Variants in MMP20 observed in about 807,000 individuals in gnomAD.
MMP20 encodes matrix metalloproteinase-20.
MMP20 carries 50 observed loss-of-function variants against 51.8 expected under a neutral mutation model. The observed-to-expected ratio is 0.97, with a 90% CI of 0.77 to 1.22. MMP20 has a LOEUF of 1.22. MMP20 is among the 50% of genes most tolerant of loss of function. The pLI is 0.00. For missense variants in MMP20, 663 were observed against 601.4 expected (o/e 1.10, Z -1.07); for synonymous variants, 244 against 216.2 (o/e 1.13, Z -1.13).
intron 2 of MMP20, among the ~76,000 whole-genome samples, chr11:102,613,102 A>G (rs1043285594): frequency 2.6e-5 from 4 of 152,206 alleles, no homozygotes; most frequent in Non-Finnish European, 5.9e-5. Flanking sequence ...GAATTGAAAA[A>G]AGGGTGAGCC....
intron 2 of MMP20, among the ~76,000 whole-genome samples, chr11:102,612,402 T>C (rs1859613612): frequency 6.6e-6 from 1 of 152,112 alleles, no homozygotes; most frequent in African/African-American, 2.4e-5. Flanking sequence ...GAAGTGGAGG[T>C]TGCAGTGAGC....
chr11:102,600,679 G>A (rs1325858689), intron 6 of MMP20, among the ~76,000 whole-genome samples: 1 of 151,988 alleles, frequency 6.6e-6, no homozygotes, highest in East Asian at 1.9e-4. Context: ...TAGAGACAGG[G>A]TTTCACCATG....
intron 8 of MMP20, among the ~76,000 whole-genome samples, chr11:102,588,068 T>C (rs990317664): frequency 1.3e-5 from 2 of 152,146 alleles, no homozygotes; most frequent in Admixed American, 1.3e-4. Flanking sequence ...AATTTTCTAA[T>C]GTAACATTTT....
chr11:102,597,295 G>C (rs1321645288), intron 6 of MMP20, among the ~76,000 whole-genome samples: 1 of 152,228 alleles, frequency 6.6e-6, no homozygotes, highest in African/African-American at 2.4e-5. Flanking sequence ...TTTTGGGACA[G>C]TGATATCTTG....
intron 6 of MMP20, 69 bp from the exon 7 acceptor site, chr11:102,594,826 A>G: frequency 6.4e-7 from 1 of 1,567,206 alleles, no homozygotes; most frequent in South Asian, 1.1e-5. Context: ...ATAAAATTGC[A>G]CTTTGACTGA....
chr11:102,624,601 T>A (rs1233525195), intron 1 of MMP20, among the ~76,000 whole-genome samples: 1 of 152,182 alleles, frequency 6.6e-6, no homozygotes, highest in Non-Finnish European at 1.5e-5. Context: ...ACTTACTACA[T>A]AAACTTTGTT....
chr11:102,613,352 G>A (rs1247478721), intron 2 of MMP20, among the ~76,000 whole-genome samples: 3 of 152,180 alleles, frequency 2.0e-5, no homozygotes, highest in African/African-American at 2.4e-5. Context: ...AACCCCATGA[G>A]CAGGGACCGG....
In MMP20 at chr11:102,593,447, T is replaced by C. The variant is rs768663486; in HGVS notation, c.1239A>G (p.Glu413=). Residue 413 remains glutamate, a synonymous_variant, in exon 8 of 10, where the codon GAA becomes GAG. Transcript: ENST00000260228. Reference sequence around the variant, plus strand: ...AAGGAAAAAAGCCATACCTGTAGTATTCATCTCCCACAAAGAAAAGGGTCT... The same window carrying C: ...AAGGAAAAAAGCCATACCTGTAGTACTCATCTCCCACAAAGAAAAGGGTCT... ...PQKTLFFVGD[E]YYSYDERKRK... 3 of 1,614,078 alleles carry C rather than the reference T, an allele frequency of 1.9e-6. No homozygotes were observed. The highest frequency in any genetic ancestry group is 2.2e-5 in the South Asian group (2 of 91,082).
At position 102,606,534 on chromosome 11, in the gene MMP20, C is replaced by A; in HGVS notation, c.953+1G>T. The A allele has an allele frequency of 6.2e-7, 1 of 1,613,838 alleles. No individual in the cohort carries two copies. The highest frequency in any genetic ancestry group is 8.5e-7 in the Non-Finnish European group (1 of 1,179,824). ...GAGTCGGTGGCGTGTCTGAGGCTTA[C>A]CGGTCCTTGAAGAGCAGGAGCTCCT... On this transcript the variant is annotated splice_donor_variant, in intron 6 of 9. Coordinates refer to ENST00000260228, the MANE Select transcript of MMP20 (RefSeq NM_004771.4). LOFTEE classifies it high-confidence loss of function.
chr11:102,598,234 G>C (rs1257140457), intron 6 of MMP20, among the ~76,000 whole-genome samples: 2 of 152,074 alleles, frequency 1.3e-5, no homozygotes, highest in African/African-American at 4.8e-5. Flanking sequence ...AACAATGATA[G>C]CAAGTAACTT....
At chr11:102,614,814 A>C (rs201286953) in intron 2 of MMP20, among the ~76,000 whole-genome samples, 5 of 140,958 alleles carry the variant, frequency 3.5e-5, no homozygotes, top group African/African-American at 1.0e-4. Flanking sequence ...AAAAAAAAAA[A>C]CCCACTTGAT....
chr11:102,577,240 C>G lies in MMP20; in HGVS notation c.*86G>C. On this transcript the variant is annotated 3_prime_UTR_variant, in exon 10 of 10. Transcript: ENST00000260228. ...TTTGAAGGCCTTTGGAAGAATCCCT[C>G]TCCTACATTCTGCTTTAGTCCTTAA... 3 of 875,822 alleles carry G rather than the reference C, an allele frequency of 3.4e-6. No homozygotes were observed. Among genetic ancestry groups the G allele is most frequent in the Non-Finnish European group, 5.8e-6 (3 of 513,218 alleles). 54.3% of individuals were successfully genotyped at this position (875,822 alleles called of 1,614,324 possible). A position where few individuals can be genotyped will look rare whatever the true frequency, so the allele number is the denominator to read the frequency against.
intron 8 of MMP20, among the ~76,000 whole-genome samples, 196 bp downstream of exon 8, chr11:102,593,243 T>A (rs1394559164): frequency 6.6e-6 from 1 of 152,190 alleles, no homozygotes; most frequent in Non-Finnish European, 1.5e-5. Flanking sequence ...GATTATTGAA[T>A]GAAGGTTTCA....
At position 102,617,206 on chromosome 11, in the gene MMP20, A is replaced by G. The variant is rs1196949096; in HGVS notation, c.127-147T>C. The G allele has an allele frequency of 5.1e-6, 5 of 982,844 alleles. No homozygotes were observed. In the East Asian group the frequency reaches 1.0e-4, roughly 21 times the overall value. The allele number at this position is 982,844 out of a possible 1,614,324, so 60.9% of individuals were successfully genotyped here. A position where few individuals can be genotyped will look rare whatever the true frequency, so the allele number is the denominator to read the frequency against. On this transcript the variant is annotated intron_variant, in intron 1 of 9. Transcript: ENST00000260228. ...ATGAAAAAAGTAGACATATTTGTTTACATAAAGCTTAGCTATACTCCAAAT... is the reference window on the plus strand; with the variant it reads ...ATGAAAAAAGTAGACATATTTGTTTGCATAAAGCTTAGCTATACTCCAAAT...
Position 102,609,998 on chromosome 11 carries a change from G to C in MMP20, c.556C>G (p.Arg186Gly), listed in dbSNP as rs759359890. The part of the protein sequence containing the change: ...HGDSYPFDGP[R>G]GTLAHAFAPG... The stretch of plus-strand genomic sequence containing the variant: ...GCAAATGCATGGGCTAGAGTCCCCC[G>C]AGGCCCATCGAATGGATAGGAATCC... Residue 186 changes from arginine to glycine, a missense_variant, in exon 4 of 10, where the codon CGG (arginine) becomes GGG (glycine). Physicochemically the swap from Arg to Gly is moderately radical, Grantham distance 125. Coordinates refer to ENST00000260228, the MANE Select transcript of MMP20 (RefSeq NM_004771.4). 6.2e-7 allele frequency: 1 copy of C among 1,613,946 alleles called. No individual in the cohort carries two copies. Among genetic ancestry groups the C allele is most frequent in the African/African-American group, 1.3e-5 (1 of 74,888 alleles).
intron 5 of MMP20, 49 bp from the exon 6 acceptor site, chr11:102,606,725 C>T (rs1384795818): frequency 6.2e-7 from 1 of 1,605,868 alleles, no homozygotes; most frequent in Non-Finnish European, 8.5e-7. Flanking sequence ...ATTTGGAGTT[C>T]ACACACTTCT....
chr11:102,596,413 T>C (rs114253644), intron 6 of MMP20, among the ~76,000 whole-genome samples: 150 of 152,308 alleles, frequency 9.8e-4, no homozygotes, highest in African/African-American at 3.4e-3. Context: ...TCAGCTTACA[T>C]GGGAAAAATA....
chr11:102,607,341 G>C (rs1859531111), intron 5 of MMP20: 1 of 158,106 alleles, frequency 6.3e-6, no homozygotes, highest in Admixed American at 6.1e-5. Context: ...CTCCTCTCCT[G>C]CTCTGCATCT....
chr11:102,623,610 G>A (rs990910213), intron 1 of MMP20, among the ~76,000 whole-genome samples: 7 of 152,168 alleles, frequency 4.6e-5, no homozygotes. Context: ...GACTGGTCAG[G>A]GGTGACTAAT....
Sources: gnomAD v4.1 joint callset for allele counts (sites outside exome capture counted in the v4.1 genomes callset) on GRCh38, gnomAD v4.1.1 for gene constraint, MANE v1.5 for transcripts, NCBI Gene and HGNC (gene_info 2026-07-23, HGNC 2026-07-21) for gene names.